Variants in XPNPEP3 observed in about 807,000 individuals in gnomAD.
The protein encoded by XPNPEP3 is xaa-Pro aminopeptidase 3.
A neutral mutation model predicts 60.0 loss-of-function variants in XPNPEP3; 41 were observed. The observed-to-expected ratio is 0.68, with a 90% CI of 0.53 to 0.89. The LOEUF (loss-of-function observed/expected upper bound fraction) is 0.89, where lower values mean the gene tolerates loss of function less well. XPNPEP3 is among the 40% of genes least tolerant of loss of function. XPNPEP3 has a pLI of 0.00. For synonymous variants in XPNPEP3, 212 were observed against 223.2 expected, an observed-to-expected ratio of 0.95 and a Z score of 0.45; for missense variants, 598 against 638.9, an observed-to-expected ratio of 0.94 and a Z score of 0.69.
chr22:40,880,242 A>C (rs564550369), intron 2 of XPNPEP3, among the ~76,000 whole-genome samples: 1 of 152,000 alleles, frequency 6.6e-6, no homozygotes, highest in Non-Finnish European at 1.5e-5. Context: ...TTGAATTCCT[A>C]CAGTATAGAA....
rs777969667 is a variant in XPNPEP3 at position 40,886,460 on chromosome 22, T to C, written c.737T>C (p.Ile246Thr). 1 of 1,614,094 alleles carries C rather than the reference T, an allele frequency of 6.2e-7. No individual in the cohort carries two copies. Among genetic ancestry groups the C allele is most frequent in the Non-Finnish European group, 8.5e-7 (1 of 1,180,016 alleles). The change falls in exon 4 of 10, where the codon ATC becomes ACC. Residue 246 changes from isoleucine (I) to threonine (T), a missense_variant. Physicochemically the swap from Ile to Thr is moderately conservative, Grantham distance 89 (BLOSUM62 -1). Coordinates refer to ENST00000357137, the MANE Select transcript of XPNPEP3 (RefSeq NM_022098.4). ...CAGCTGATACAGCGCCTCCGGCTGATCAAGTCTCCTGCAGAAATTGAACGA... is the reference window on the plus strand; with the variant it reads ...CAGCTGATACAGCGCCTCCGGCTGACCAAGTCTCCTGCAGAAATTGAACGA... ...VQQLIQRLRL[I>T]KSPAEIERMQ...
chr22:40,883,904 G>T (rs115696314), intron 3 of XPNPEP3, among the ~76,000 whole-genome samples: 2,666 of 152,196 alleles, frequency 0.018, 76 homozygotes, highest in African/African-American at 0.058. Flanking sequence ...TTTAGGTCAA[G>T]ATAATGTATA....
intron 2 of XPNPEP3, among the ~76,000 whole-genome samples, chr22:40,880,747 G>A (rs1037650722): frequency 8.8e-5 from 13 of 147,634 alleles, no homozygotes; most frequent in African/African-American, 2.8e-4. Context: ...CCAAGATTGC[G>A]CCACTGCACT....
At chr22:40,885,628 T>C (rs1769538571) in intron 3 of XPNPEP3, among the ~76,000 whole-genome samples, 1 of 152,204 alleles carries the variant, frequency 6.6e-6, no homozygotes, top group African/African-American at 2.4e-5. Context: ...TCCTTCTGTG[T>C]GCAATTATTC....
Position 40,898,339 on chromosome 22 carries a change from C to T in XPNPEP3, c.793-9248C>T, listed in dbSNP as rs561089039. On this transcript the variant is annotated intron_variant, in intron 4 of 9. Coordinates refer to ENST00000357137, the MANE Select transcript of XPNPEP3 (RefSeq NM_022098.4). ...CGCAATCTCGGCTCACTGCAAGCTC[C>T]GCTTCCCGGGTTCACGCCATTCTCC... 5.5e-5 allele frequency among the ~76,000 whole-genome samples: 7 copies of T among 126,690 alleles called. No individual in the cohort carries two copies. In the South Asian group the frequency reaches 1.2e-3, roughly 21 times the overall value. The allele number at this position is 126,690 out of a possible 152,430, so 83.1% of individuals were successfully genotyped here. A position where few individuals can be genotyped will look rare whatever the true frequency, so the allele number is the denominator to read the frequency against.
At chr22:40,886,245 A>T (rs1484314700) in intron 3 of XPNPEP3, 68 bp from the exon 4 acceptor site, 1 of 1,509,734 alleles carries the variant, frequency 6.6e-7, no homozygotes, top group African/African-American at 1.4e-5. Context: ...TCAAGTCGTT[A>T]TGACAGTTGA....
intron 2 of XPNPEP3, among the ~76,000 whole-genome samples, chr22:40,880,754 C>A (rs1035484028): frequency 9.5e-5 from 14 of 147,740 alleles, no homozygotes; most frequent in Admixed American, 2.7e-4. Flanking sequence ...TGCGCCACTG[C>A]ACTTCAGCCT....
intron 1 of XPNPEP3, chr22:40,862,077 TA>T: frequency 1.3e-6 from 2 of 1,521,970 alleles, no homozygotes; most frequent in Non-Finnish European, 1.8e-6. Flanking sequence ...GTGGTGGTGA[TA>T]GAGGTAGTGA....
At chr22:40,909,725 A>G (rs938698009) in intron 6 of XPNPEP3, among the ~76,000 whole-genome samples, 1 of 152,030 alleles carries the variant, frequency 6.6e-6, no homozygotes, top group African/African-American at 2.4e-5. Context: ...AGATCACACA[A>G]CCGCACTCCA....
chr22:40,907,445 T>A, intron 4 of XPNPEP3, 142 bp from the exon 5 acceptor site: 1 of 795,068 alleles, frequency 1.3e-6, no homozygotes, highest in Non-Finnish European at 2.1e-6. Flanking sequence ...AAAAACTGTA[T>A]TATTACCCCC....
At chr22:40,915,769 G>T (rs2058193992) in intron 7 of XPNPEP3, among the ~76,000 whole-genome samples, 1 of 152,126 alleles carries the variant, frequency 6.6e-6, no homozygotes, top group Admixed American at 6.6e-5. Context: ...CCCAAAATCT[G>T]CATACAGAAT....
At chr22:40,861,341 C>T (rs771403225) in intron 1 of XPNPEP3, 1 of 1,614,116 alleles carries the variant, frequency 6.2e-7, no homozygotes, top group Non-Finnish European at 8.5e-7. Context: ...AAAATGTCAA[C>T]TCTCCATTAT....
Position 40,878,679 on chromosome 22 carries a change from T to C in XPNPEP3, c.182-3091T>C, listed in dbSNP as rs1404203498. On this transcript the variant is annotated intron_variant, in intron 2 of 9. Transcript: ENST00000357137. ...TCAGCTCACTGCAACCTCTGCCTCC[T>C]GGGTTTAAGCAATTCTCCTGCCTCA... 3.3e-5 allele frequency among the ~76,000 whole-genome samples: 5 copies of C among 152,062 alleles called. No homozygotes were observed. The East Asian group carries it at 9.7e-4, about 29-fold the overall frequency.
At position 40,930,090 on chromosome 22, in the gene XPNPEP3, A is replaced by G. The variant is rs2058249154; in HGVS notation, c.*3655A>G. The G allele has an allele frequency of 6.9e-6, 1 of 145,178 alleles. No individual in the cohort carries two copies. The highest frequency in any genetic ancestry group is 1.5e-5 in the Non-Finnish European group (1 of 66,016). 9.0% of individuals were successfully genotyped at this position (145,178 alleles called of 1,614,324 possible). A position where few individuals can be genotyped will look rare whatever the true frequency, so the allele number is the denominator to read the frequency against. On this transcript the variant is annotated 3_prime_UTR_variant, in exon 10 of 10. Transcript: ENST00000357137. The stretch of plus-strand genomic sequence containing the variant: ...CAGAGTTTTAAGGTAAAGGCTTTAT[A>G]TTAGCTTTTTTTTTTTTTAAAGGTT...
At chr22:40,862,620 G>T (rs1431647758) in intron 1 of XPNPEP3, 2 of 985,362 alleles carry the variant, frequency 2.0e-6, no homozygotes, top group African/African-American at 3.5e-5. Flanking sequence ...CAGGCTGGGG[G>T]TGTCAATGAA....
intron 2 of XPNPEP3, among the ~76,000 whole-genome samples, chr22:40,873,092 CTT>C (rs1421791727): frequency 1.6e-5 from 2 of 125,572 alleles, no homozygotes; most frequent in African/African-American, 6.1e-5. Context: ...TTTTCTTTTT[CTT>C]TTTCTTTTTT....
At chr22:40,885,460 G>A (rs2058065085) in intron 3 of XPNPEP3, among the ~76,000 whole-genome samples, 1 of 152,190 alleles carries the variant, frequency 6.6e-6, no homozygotes, top group South Asian at 2.1e-4. Flanking sequence ...TATAGCAGAT[G>A]CAAAGGGAGA....
chr22:40,914,325 G>A lies in XPNPEP3; in HGVS notation c.1055+1G>A. 3 of 1,613,474 alleles carry A rather than the reference G, an allele frequency of 1.9e-6. No homozygotes were observed. Among genetic ancestry groups the A allele is most frequent in the Non-Finnish European group, 2.5e-6 (3 of 1,179,540 alleles). On this transcript the variant is annotated splice_donor_variant, in intron 7 of 9. Coordinates refer to ENST00000357137, the MANE Select transcript of XPNPEP3 (RefSeq NM_022098.4). LOFTEE classifies it high-confidence loss of function. ...CACGTACGTGGCCAGTCAATGGCAGGTAGGGCTTCTACAGAGTAACGTATC... is the reference window on the plus strand; with the variant it reads ...CACGTACGTGGCCAGTCAATGGCAGATAGGGCTTCTACAGAGTAACGTATC...
At chr22:40,868,716 C>T (rs1044878118) in intron 1 of XPNPEP3, among the ~76,000 whole-genome samples, 1 of 151,892 alleles carries the variant, frequency 6.6e-6, no homozygotes, top group Non-Finnish European at 1.5e-5. Context: ...CATGGTGGCA[C>T]GCACCTGTAA....
Sources: allele counts gnomAD v4.1 joint callset (sites outside exome capture counted in the v4.1 genomes callset), GRCh38; gene constraint gnomAD v4.1.1; transcripts MANE v1.5; gene names NCBI Gene and HGNC (gene_info 2026-07-23, HGNC 2026-07-21).